TRDN: variants seen among roughly 807,000 people sequenced by gnomAD.
The protein encoded by TRDN is triadin in skeletal muscle.
A neutral mutation model predicts 149.7 loss-of-function variants in TRDN; 161 were observed. The ratio of observed to expected loss-of-function variants is 1.08; its 90% confidence interval spans 0.95 to 1.23. The LOEUF is 1.23. Among genes scored for constraint, TRDN ranks in the 50% most tolerant of loss-of-function variants. The pLI is 0.00. For synonymous variants in TRDN, 294 were observed against 250.5 expected, an observed-to-expected ratio of 1.17 and a Z score of -1.64; for missense variants, 896 against 823.5, an observed-to-expected ratio of 1.09 and a Z score of -1.08.
intron 12 of TRDN, chr6:123,411,732 T>A (rs1773449193): frequency 6.6e-6 from 1 of 152,142 alleles, no homozygotes; most frequent in South Asian, 2.1e-4. Flanking sequence ...TTTAAAAAAA[T>A]TCTATGCTTT....
intron 1 of TRDN, among the ~76,000 whole-genome samples, chr6:123,627,668 A>G (rs540168305): frequency 6.6e-6 from 1 of 152,326 alleles, no homozygotes; most frequent in East Asian, 1.9e-4. Context: ...TCTCCTATCT[A>G]GCTCTGAAAG....
intron 1 of TRDN, among the ~76,000 whole-genome samples, chr6:123,594,757 A>C (rs917058905): frequency 1.9e-3 from 287 of 152,140 alleles, no homozygotes; most frequent in Non-Finnish European, 3.5e-3. Flanking sequence ...ATGCCAAAAA[A>C]ATGCATTTTA....
intron 12 of TRDN, among the ~76,000 whole-genome samples, chr6:123,426,668 G>T (rs955259689): frequency 1.3e-5 from 2 of 151,982 alleles, no homozygotes; most frequent in Non-Finnish European, 2.9e-5. Context: ...TATTTTATAT[G>T]CCTTTCCTTC....
intron 38 of TRDN, among the ~76,000 whole-genome samples, chr6:123,234,649 T>C (rs933076587): frequency 2.6e-5 from 4 of 152,128 alleles, no homozygotes; most frequent in African/African-American, 9.7e-5. Flanking sequence ...TTAAAAACTA[T>C]TGGACACTAA....
chr6:123,344,369 C>A (rs1399100963), intron 21 of TRDN, among the ~76,000 whole-genome samples: 1 of 151,950 alleles, frequency 6.6e-6, no homozygotes, highest in Admixed American at 6.6e-5. Context: ...CACGTATCTG[C>A]CATTGTAGTT....
intron 8 of TRDN, 48 bp from the exon 9 acceptor site, chr6:123,497,300 T>A: frequency 1.6e-6 from 2 of 1,270,996 alleles, no homozygotes; most frequent in Non-Finnish European, 2.1e-6. Context: ...TCATCAACAC[T>A]TCATTTTTCT....
At position 123,478,302 on chromosome 6, in the gene TRDN, T is replaced by G. The variant is rs564477533; in HGVS notation, c.854-13319A>C. ...TTTTCTGTTTAACCTTAGTTAGACG[T>G]TGAATGGACTTGATATATCCCACAG... On this transcript the variant is annotated intron_variant, in intron 9 of 40. Coordinates refer to ENST00000334268, the MANE Select transcript of TRDN (RefSeq NM_006073.4). Among the ~76,000 whole-genome samples the G allele has an allele frequency of 4.1e-4, 62 of 152,264 alleles. No individual in the cohort carries two copies. The East Asian group carries it at 0.012, about 28-fold the overall frequency.
At chr6:123,248,330 G>A (rs1190720813) in intron 38 of TRDN, among the ~76,000 whole-genome samples, 2 of 152,250 alleles carry the variant, frequency 1.3e-5, no homozygotes, top group Admixed American at 6.5e-5. Context: ...GCTGAGGCGT[G>A]TGGATCACCT....
At chr6:123,293,064 T>G (rs1778069654) in intron 24 of TRDN, among the ~76,000 whole-genome samples, 2 of 152,110 alleles carry the variant, frequency 1.3e-5, no homozygotes, top group African/African-American at 4.8e-5. Flanking sequence ...ATAGTAAATA[T>G]TTCAACAATT....
intron 9 of TRDN, among the ~76,000 whole-genome samples, chr6:123,484,284 G>A (rs7751903): frequency 0.17 from 26,555 of 152,026 alleles, 2,492 homozygotes; most frequent in South Asian, 0.3. Context: ...AAGAAAAGGG[G>A]TAAGAACTAT....
chr6:123,540,261 T>C (rs535139558), intron 4 of TRDN, among the ~76,000 whole-genome samples: 1 of 152,248 alleles, frequency 6.6e-6, no homozygotes, highest in East Asian at 1.9e-4. Flanking sequence ...CGCAGAGGCA[T>C]TGAGGAAGAG....
chr6:123,602,850 A>G (rs377194795), intron 1 of TRDN, among the ~76,000 whole-genome samples: 1 of 152,114 alleles, frequency 6.6e-6, no homozygotes, highest in Non-Finnish European at 1.5e-5. Context: ...CAAACCAGCA[A>G]CAAAGTAAAA....
At chr6:123,426,051 G>A (rs935570507) in intron 12 of TRDN, among the ~76,000 whole-genome samples, 2 of 151,994 alleles carry the variant, frequency 1.3e-5, no homozygotes, top group Non-Finnish European at 1.5e-5. Context: ...AGGTGGGGAA[G>A]GCATACTGTG....
intron 19 of TRDN, among the ~76,000 whole-genome samples, chr6:123,368,694 T>C (rs544244298): frequency 4.6e-5 from 7 of 152,306 alleles, no homozygotes; most frequent in South Asian, 2.1e-4. Context: ...ATTTGTACCC[T>C]CAGAATTTTC....
intron 1 of TRDN, among the ~76,000 whole-genome samples, chr6:123,620,045 G>T (rs997875090): frequency 6.6e-6 from 1 of 152,064 alleles, no homozygotes; most frequent in Non-Finnish European, 1.5e-5. Context: ...CCCATGAAAA[G>T]AATCTTCTTG....
chr6:123,562,865 T>C (rs974864601), intron 2 of TRDN, among the ~76,000 whole-genome samples: 5 of 152,240 alleles, frequency 3.3e-5, no homozygotes, highest in African/African-American at 1.2e-4. Context: ...TTTTATTGAC[T>C]GCAGAAGGAA....
At chr6:123,291,654 G>T (rs541582615) in intron 24 of TRDN, among the ~76,000 whole-genome samples, 3 of 152,056 alleles carry the variant, frequency 2.0e-5, no homozygotes, top group African/African-American at 7.2e-5. Flanking sequence ...TTCATAAATG[G>T]GGAATTTATA....
rs1006025028 is a variant in TRDN, at chr6:123,494,343, C to A, written c.853+2850G>T. ...GATTTTATTATTCCTTCTAACCTTA[C>A]TCTGTTGTTAGATTTTTCAGAAAGA... On this transcript the variant is annotated intron_variant, in intron 9 of 40. Coordinates refer to ENST00000334268, the MANE Select transcript of TRDN (RefSeq NM_006073.4). Among the ~76,000 whole-genome samples, 12 of 152,234 alleles carry A rather than the reference C, an allele frequency of 7.9e-5. No homozygotes were observed. In the South Asian group the frequency reaches 2.5e-3, roughly 32 times the overall value.
Position 123,325,539 on chromosome 6 carries a change from A to G in TRDN, c.1471+6340T>C, listed in dbSNP as rs1035153227. 5.9e-5 allele frequency among the ~76,000 whole-genome samples: 9 copies of G among 152,266 alleles called. No homozygotes were observed. In the East Asian group the frequency reaches 1.7e-3, roughly 29 times the overall value. ...TACTATTGGAACATTTTAAAAATTT[A>G]GAGTAGTGAATAAAATATATAGATT... On this transcript the variant is annotated intron_variant, in intron 23 of 40. Transcript: ENST00000334268.
Sources: gnomAD v4.1 joint callset for allele counts (sites outside exome capture counted in the v4.1 genomes callset) on GRCh38, gnomAD v4.1.1 for gene constraint, MANE v1.5 for transcripts, NCBI Gene and HGNC (gene_info 2026-07-23, HGNC 2026-07-21) for gene names.